EYS: variants seen among roughly 807,000 people sequenced by gnomAD.
The protein encoded by EYS is EGF-like photoreceptor maintenance factor, also known as protein eyes shut homolog.
In EYS, 250 loss-of-function variants were observed where a neutral mutation model predicts 282.1. The observed-to-expected ratio is 0.89, with a 90% confidence interval of 0.80 to 0.98. EYS has a LOEUF of 0.98. Among genes scored for constraint, EYS ranks in the 50% least tolerant of loss-of-function variants. EYS has a pLI of 0.00. For synonymous variants in EYS, 1,355 were observed against 1,282.9 expected (o/e 1.06, Z -1.20); for missense variants, 4,016 against 3,709.0 (o/e 1.08, Z -2.15).
At chr6:65,306,824 G>C (rs1260571612) in intron 11 of EYS, among the ~76,000 whole-genome samples, 1 of 40,232 alleles carries the variant, frequency 2.5e-5, no homozygotes. Flanking sequence ...CAGAGCAAGA[G>C]TCCGTCTCAA....
intron 35 of EYS, among the ~76,000 whole-genome samples, chr6:63,951,003 A>G (rs1220442422): frequency 6.6e-6 from 1 of 151,938 alleles, no homozygotes; most frequent in African/African-American, 2.4e-5. Flanking sequence ...GAGGTGTCTG[A>G]TCACCACGGG....
Position 64,926,888 on chromosome 6 carries a change from T to C in EYS, c.2382-14145A>G, listed in dbSNP as rs185339438. On this transcript the variant is annotated intron_variant, in intron 15 of 42. Coordinates refer to ENST00000503581, the MANE Select transcript of EYS (RefSeq NM_001142800.2). ...AAGACATACGTTAATTGTGATTTAC[T>C]GTGAAAAGCAAGAGCAAATATAAAG... 2.6e-3 allele frequency among the ~76,000 whole-genome samples: 393 copies of C among 152,326 alleles called. 6 individuals carry two copies. Among genetic ancestry groups the C allele is most frequent in the African/African-American group, 9.2e-3 (382 of 41,574 alleles).
At chr6:64,106,945 G>C (rs1773034369) in intron 31 of EYS, among the ~76,000 whole-genome samples, 3 of 150,764 alleles carry the variant, frequency 2.0e-5, no homozygotes, top group Admixed American at 6.6e-5. Flanking sequence ...TTTCTCAGCA[G>C]TGCCCAGTCT....
intron 31 of EYS, among the ~76,000 whole-genome samples, chr6:64,169,315 G>A (rs1764401965): frequency 6.6e-6 from 1 of 152,108 alleles, no homozygotes; most frequent in Non-Finnish European, 1.5e-5. Context: ...GGAGGTAGCA[G>A]AAGGCCTGAT....
intron 12 of EYS, among the ~76,000 whole-genome samples, chr6:65,160,612 C>CT (rs1388057854): frequency 2.0e-5 from 3 of 150,864 alleles, no homozygotes; most frequent in Non-Finnish European, 4.5e-5. Context: ...GTAGATGTCT[C>CT]TGATGTTTAT....
chr6:65,591,312 C>A (rs201753219), intron 2 of EYS, among the ~76,000 whole-genome samples: 4 of 151,852 alleles, frequency 2.6e-5, no homozygotes, highest in South Asian at 2.1e-4. Flanking sequence ...AATCCTCCCC[C>A]CTCAGCCTCC....
intron 12 of EYS, among the ~76,000 whole-genome samples, chr6:65,120,482 A>AAAT (rs1272106880): frequency 1.3e-5 from 2 of 148,858 alleles, no homozygotes; most frequent in African/African-American, 4.9e-5. Context: ...AAAAAAAAAA[A>AAAT]AATCTTTGGT....
intron 19 of EYS, among the ~76,000 whole-genome samples, chr6:64,845,165 C>T (rs953423941): frequency 1.3e-5 from 2 of 151,940 alleles, no homozygotes; most frequent in African/African-American, 4.8e-5. Flanking sequence ...GTGGTATGCA[C>T]CTGTGGTTCC....
At chr6:64,176,060 G>C (rs1311009301) in intron 31 of EYS, among the ~76,000 whole-genome samples, 1 of 152,080 alleles carries the variant, frequency 6.6e-6, no homozygotes, top group Admixed American at 6.6e-5. Flanking sequence ...TGGCCTCACT[G>C]AGAAGGTGAC....
chr6:65,457,444 T>C (rs1254313296), intron 5 of EYS, among the ~76,000 whole-genome samples: 1 of 152,094 alleles, frequency 6.6e-6, no homozygotes, highest in African/African-American at 2.4e-5. Context: ...GAATTATAGA[T>C]GTGAGGCACT....
chr6:64,618,932 C>G (rs577512732), intron 23 of EYS, among the ~76,000 whole-genome samples: 1 of 152,258 alleles, frequency 6.6e-6, no homozygotes, highest in South Asian at 2.1e-4. Flanking sequence ...AGCATAAAAA[C>G]ATATTGCATA....
chr6:64,595,184 C>T (rs1766543489), intron 24 of EYS, among the ~76,000 whole-genome samples: 1 of 152,110 alleles, frequency 6.6e-6, no homozygotes, highest in Non-Finnish European at 1.5e-5. Flanking sequence ...ATATCAAGGA[C>T]AAAATCCATA....
chr6:64,155,327 C>G (rs1170275997), intron 31 of EYS, among the ~76,000 whole-genome samples: 2 of 149,838 alleles, frequency 1.3e-5, no homozygotes. Flanking sequence ...CCAACCAGCA[C>G]AGCATAGCAG....
At chr6:65,547,155 C>A (rs576974335) in intron 2 of EYS, among the ~76,000 whole-genome samples, 3 of 151,004 alleles carry the variant, frequency 2.0e-5, no homozygotes, top group Non-Finnish European at 4.4e-5. Flanking sequence ...CTACTTCCTG[C>A]CACTGTATGC....
chr6:64,553,541 T>G, intron 26 of EYS, among the ~76,000 whole-genome samples: 1 of 101,462 alleles, frequency 9.9e-6, no homozygotes, highest in Admixed American at 1.1e-4. Context: ...GTGACTTTTG[T>G]TTGACCCCCC....
chr6:64,121,266 A>G (rs1043157279), intron 31 of EYS, among the ~76,000 whole-genome samples: 2 of 152,228 alleles, frequency 1.3e-5, no homozygotes, highest in Non-Finnish European at 2.9e-5. Context: ...ATCTTACTAC[A>G]TTCATAGGTT....
intron 35 of EYS, among the ~76,000 whole-genome samples, chr6:63,899,608 G>C (rs1341724853): frequency 6.6e-6 from 1 of 152,144 alleles, no homozygotes; most frequent in Non-Finnish European, 1.5e-5. Flanking sequence ...TTCAAAGGCT[G>C]GGCCAATTCC....
At chr6:65,160,555 T>A (rs1764829001) in intron 12 of EYS, among the ~76,000 whole-genome samples, 1 of 150,838 alleles carries the variant, frequency 6.6e-6, no homozygotes, top group African/African-American at 2.4e-5. Flanking sequence ...ACCACCCCAT[T>A]GAATTTTATG....
chr6:64,583,196 T>C (rs997698532), intron 26 of EYS, among the ~76,000 whole-genome samples: 3 of 152,110 alleles, frequency 2.0e-5, no homozygotes, highest in African/African-American at 7.2e-5. Context: ...TCTTCTTTGG[T>C]GTTTAATAGT....
Sources: gnomAD v4.1 joint callset for allele counts (sites outside exome capture counted in the v4.1 genomes callset) on GRCh38, gnomAD v4.1.1 for gene constraint, MANE v1.5 for transcripts, NCBI Gene and HGNC (gene_info 2026-07-23, HGNC 2026-07-21) for gene names.